Variants in ADGRV1 observed in about 807,000 individuals in gnomAD.
The protein encoded by ADGRV1 is adhesion G protein-coupled receptor V1.
ADGRV1 carries 359 observed loss-of-function variants against 596.2 expected under a neutral mutation model. That is an observed-to-expected ratio of 0.60 (90% CI 0.55 to 0.66). ADGRV1 has a LOEUF of 0.66. ADGRV1 is among the 30% of genes least tolerant of loss of function. ADGRV1 has a pLI of 0.00. For synonymous variants in ADGRV1, 2,681 were observed against 2,679.2 expected (o/e 1.00, Z -0.02); for missense variants, 7,274 against 7,575.6 (o/e 0.96, Z 1.48).
intron 77 of ADGRV1, among the ~76,000 whole-genome samples, chr5:90,837,075 C>G (rs527874402): frequency 6.6e-6 from 1 of 152,344 alleles, no homozygotes; most frequent in African/African-American, 2.4e-5. Context: ...CCAGCATTCC[C>G]ATGTACGTAA....
chr5:90,962,166 A>G (rs1371617340), intron 83 of ADGRV1, among the ~76,000 whole-genome samples: 1 of 152,244 alleles, frequency 6.6e-6, no homozygotes, highest in Non-Finnish European at 1.5e-5. Flanking sequence ...CTAAATTGGG[A>G]TACAAACAAT....
intron 87 of ADGRV1, among the ~76,000 whole-genome samples, chr5:91,130,470 C>T (rs1474715524): frequency 2.3e-5 from 3 of 131,076 alleles, no homozygotes; most frequent in Non-Finnish European, 4.6e-5. Context: ...TGCAGTGAGC[C>T]GAGATTGTGC....
chr5:90,695,665 A>T (rs1040013155), intron 33 of ADGRV1, among the ~76,000 whole-genome samples: 2 of 148,028 alleles, frequency 1.4e-5, no homozygotes, highest in East Asian at 4.2e-4. Flanking sequence ...GTCATGGTAC[A>T]TATGTAATAC....
At chr5:90,858,297 A>G (rs1767221318) in intron 82 of ADGRV1, among the ~76,000 whole-genome samples, 1 of 152,204 alleles carries the variant, frequency 6.6e-6, no homozygotes, top group African/African-American at 2.4e-5. Context: ...ATAATTTTGT[A>G]GTATAATTAT....
chr5:91,068,974 G>A (rs551411597), intron 85 of ADGRV1, among the ~76,000 whole-genome samples: 33 of 151,236 alleles, frequency 2.2e-4, no homozygotes, highest in African/African-American at 3.9e-4. Flanking sequence ...TTAGAAAACC[G>A]AAAAAAAAGG....
At chr5:90,595,353 T>C (rs1580385257) in intron 1 of ADGRV1, among the ~76,000 whole-genome samples, 1 of 48,582 alleles carries the variant, frequency 2.1e-5, no homozygotes, top group African/African-American at 1.0e-4. Flanking sequence ...CCCCCCCACC[T>C]CCCTCCCGGA....
chr5:91,011,669 C>A (rs1782731538), intron 85 of ADGRV1, among the ~76,000 whole-genome samples: 1 of 151,736 alleles, frequency 6.6e-6, no homozygotes, highest in East Asian at 1.9e-4. Flanking sequence ...TAACTAGTAT[C>A]ATCATTATCA....
intron 83 of ADGRV1, among the ~76,000 whole-genome samples, chr5:90,870,858 G>A (rs1243094722): frequency 6.6e-6 from 1 of 152,186 alleles, no homozygotes; most frequent in Non-Finnish European, 1.5e-5. Flanking sequence ...TGTTGAAAGG[G>A]TAATAGGAAT....
chr5:91,149,648 A>G lies in ADGRV1; in HGVS notation c.18433-382A>G, dbSNP rs1352759724. ...GGAGTTCGAGACCAGCCTGGCCAAC[A>G]TGATGAAACCCCCGTCTCTACTAAA... On this transcript the variant is annotated intron_variant, in intron 87 of 89. Transcript: ENST00000405460. Among the ~76,000 whole-genome samples the G allele has an allele frequency of 2.6e-5, 4 of 152,152 alleles. No individual in the cohort carries two copies. In the South Asian group the frequency reaches 8.3e-4, roughly 32 times the overall value.
intron 21 of ADGRV1, 46 bp downstream of exon 21, chr5:90,658,324 G>C: frequency 2.1e-6 from 3 of 1,462,194 alleles, no homozygotes; most frequent in Non-Finnish European, 2.7e-6. Context: ...ATTCATTGTA[G>C]GTGGATTTGT....
intron 10 of ADGRV1, among the ~76,000 whole-genome samples, chr5:90,636,694 A>G (rs1766253099): frequency 6.6e-6 from 1 of 152,330 alleles, no homozygotes; most frequent in South Asian, 2.1e-4. Context: ...AAGGTGATTC[A>G]GGGCCCCAGC....
intron 32 of ADGRV1, 139 bp downstream of exon 32, chr5:90,692,925 G>A: frequency 1.6e-6 from 1 of 615,434 alleles, no homozygotes; most frequent in Non-Finnish European, 2.7e-6. Flanking sequence ...ATTTTAATGT[G>A]TTAACTGAAT....
In ADGRV1 at chr5:90,652,504, T is replaced by G. The variant is rs755406104; in HGVS notation, c.3575T>G (p.Phe1192Cys). The change falls in exon 19 of 90, where the codon TTT becomes TGT. Residue 1192 changes from phenylalanine (F) to cysteine (C), a missense_variant. This residue lies in a region of ADGRV1 where 1,715 missense variants were observed against 1,708.8 expected (regional missense o/e 1.00). Transcript: ENST00000405460. ...GCAAAACCAATCATTCTCCATGCTT[T>G]TCCAGATAAAATTCCTGAATTCAAT... Reference protein sequence around the residue: ...EEAKPIILHAFPDKIPEFNEF... With the variant: ...EEAKPIILHACPDKIPEFNEF... 1 of 1,613,358 alleles carries G rather than the reference T, an allele frequency of 6.2e-7. No individual in the cohort carries two copies. The highest frequency in any genetic ancestry group is 8.5e-7 in the Non-Finnish European group (1 of 1,179,502).
At position 90,637,825 on chromosome 5, in the gene ADGRV1, A is replaced by G. The variant is rs1766419371; in HGVS notation, c.2117A>G (p.Asp706Gly). The change falls in exon 11 of 90, where the codon GAT (aspartate) becomes GGT (glycine). Residue 706 changes from aspartate (D) to glycine (G), a missense_variant. Asp to Gly is a moderately conservative substitution (Grantham distance 94, BLOSUM62 -1). Transcript: ENST00000405460. ...GFNSKAVTPD[D>G]IGPFNGSVLF... is the part of the protein sequence containing the mutation. The stretch of plus-strand genomic sequence containing the variant: ...AATTCAAAAGCAGTGACCCCGGATG[A>G]TATAGGCCCCTTTAATGGCTCTGTT... The G allele has an allele frequency of 1.2e-6, 2 of 1,613,738 alleles. No homozygotes were observed. The highest frequency in any genetic ancestry group is 3.3e-5 in the Admixed American group (2 of 59,920).
chr5:90,759,719 A>G, intron 58 of ADGRV1, 131 bp downstream of exon 58: 1 of 764,362 alleles, frequency 1.3e-6, no homozygotes, highest in Admixed American at 2.0e-5. Context: ...TAATCCCAGC[A>G]CTTTGGGAGG....
chr5:90,690,761 G>A, intron 30 of ADGRV1, 36 bp from the exon 31 acceptor site: 3 of 1,568,780 alleles, frequency 1.9e-6, no homozygotes, highest in South Asian at 2.3e-5. Context: ...GTTTCACTTT[G>A]TATTTGAAAT....
intron 85 of ADGRV1, among the ~76,000 whole-genome samples, chr5:91,066,303 C>T (rs1340639533): frequency 6.6e-6 from 1 of 152,200 alleles, no homozygotes; most frequent in Non-Finnish European, 1.5e-5. Context: ...AGTTTCCTAA[C>T]ACCCCTGATC....
chr5:90,862,356 T>TCACA (rs5869527), intron 82 of ADGRV1, among the ~76,000 whole-genome samples: 43 of 150,442 alleles, frequency 2.9e-4, no homozygotes, highest in African/African-American at 7.8e-4. Context: ...AGTATATTAC[T>TCACA]CACACACACA....
chr5:90,783,197 T>G lies in ADGRV1; in HGVS notation c.13305T>G (p.Asp4435Glu), dbSNP rs769915981. The G allele has an allele frequency of 3.7e-6, 6 of 1,613,706 alleles. No individual in the cohort carries two copies. The highest frequency in any genetic ancestry group is 5.1e-6 in the Non-Finnish European group (6 of 1,179,660). The change falls in exon 66 of 90, where the codon GAT (aspartate) becomes GAG (glutamate). Residue 4435 changes from aspartate to glutamate, a missense_variant. Coordinates refer to ENST00000405460, the MANE Select transcript of ADGRV1 (RefSeq NM_032119.4). ...GAACTTATGGCTATGTGACAGCTGA[T>G]TTCATCTCTCAGAGCTCCTCTGCCA... ...LHGTYGYVTA[D>E]FISQSSSASP...
Sources: allele counts gnomAD v4.1 joint callset (sites outside exome capture counted in the v4.1 genomes callset), GRCh38; gene constraint gnomAD v4.1.1; regional missense constraint gnomAD v4.1.1; transcripts MANE v1.5; gene names NCBI Gene and HGNC (gene_info 2026-07-23, HGNC 2026-07-21).